The following WNK2 variants were observed in gnomAD, a reference collection of about 807,000 sequenced individuals.
WNK2 encodes the protein WNK lysine deficient protein kinase 2, also known as serine/threonine-protein kinase WNK2.
WNK2 carries 67 observed loss-of-function variants against 192.1 expected under a neutral mutation model. That is an observed-to-expected ratio of 0.35 (90% CI 0.29 to 0.43). The LOEUF (loss-of-function observed/expected upper bound fraction) is 0.43, where lower values mean the gene tolerates loss of function less well. Ranked by LOEUF, WNK2 falls within the 20% of genes least tolerant of loss-of-function variation. The probability of loss-of-function intolerance (pLI) is 1.00; values close to 1 mark genes in which losing one functional copy is unlikely to be tolerated. For missense variants in WNK2, 2,698 were observed against 3,089.7 expected, an observed-to-expected ratio of 0.87 and a Z score of 3.01; for synonymous variants, 1,439 against 1,393.9, an observed-to-expected ratio of 1.03 and a Z score of -0.72.
chr9:93,308,064 G>C, intron 27 of WNK2: 3 of 585,314 alleles, frequency 5.1e-6, no homozygotes, highest in Non-Finnish European at 8.8e-6. Context: ...CTGAGCAGAG[G>C]CTGCCGGCTG....
chr9:93,211,226 T>TCACTCACCCACTCCTC (rs1834540918), intron 2 of WNK2, among the ~76,000 whole-genome samples: 1 of 6,012 alleles, frequency 1.7e-4, no homozygotes, highest in Admixed American at 1.6e-3. Flanking sequence ...ACTCATCCAC[T>TCACTCACCCACTCCTC]CACTCACTCA....
chr9:93,290,475 G>T (rs1475151299), intron 21 of WNK2, among the ~76,000 whole-genome samples: 1 of 152,262 alleles, frequency 6.6e-6, no homozygotes, highest in East Asian at 1.9e-4. Flanking sequence ...AACCTACTGA[G>T]TTCTAGAAGG....
chr9:93,220,099 T>A (rs1370684774), intron 2 of WNK2, among the ~76,000 whole-genome samples: 5 of 152,108 alleles, frequency 3.3e-5, no homozygotes, highest in Non-Finnish European at 4.4e-5. Flanking sequence ...TGAGCATAGG[T>A]CCTGTCTGCT....
intron 8 of WNK2, among the ~76,000 whole-genome samples, chr9:93,250,625 T>C (rs143703038): frequency 1.1e-3 from 166 of 152,032 alleles, no homozygotes; most frequent in African/African-American, 3.9e-3. Flanking sequence ...GGTTTTCCCT[T>C]GTTGTGTTTT....
chr9:93,241,292 A>G (rs1300011587), intron 7 of WNK2, among the ~76,000 whole-genome samples: 2 of 152,258 alleles, frequency 1.3e-5, no homozygotes, highest in East Asian at 3.8e-4. Context: ...GACCAGTGGG[A>G]ACGAGAGGCT....
chr9:93,307,713 G>C (rs866084011), intron 27 of WNK2: 1 of 152,310 alleles, frequency 6.6e-6, no homozygotes, highest in African/African-American at 2.4e-5. Flanking sequence ...CCTCGAATGC[G>C]AATGCGCTGG....
chr9:93,252,348 CAG>C (rs954629466), intron 8 of WNK2, among the ~76,000 whole-genome samples: 2 of 152,258 alleles, frequency 1.3e-5, no homozygotes, highest in Non-Finnish European at 2.9e-5. Context: ...ATCCACCACA[CAG>C]GGGAATAGTG....
At chr9:93,258,366 A>G (rs1461876188) in intron 11 of WNK2, among the ~76,000 whole-genome samples, 2 of 152,224 alleles carry the variant, frequency 1.3e-5, no homozygotes, top group Non-Finnish European at 2.9e-5. Context: ...GAGCCAGCCA[A>G]GGTGGCTCAA....
chr9:93,251,039 A>C (rs1261299829), intron 8 of WNK2, among the ~76,000 whole-genome samples: 1 of 151,976 alleles, frequency 6.6e-6, no homozygotes, highest in Admixed American at 6.6e-5. Flanking sequence ...TGCCCGCCTC[A>C]GCCTCTCAAG....
At chr9:93,252,785 AG>A in intron 8 of WNK2, 97 bp from the exon 9 acceptor site, 1 of 1,141,098 alleles carries the variant, frequency 8.8e-7, no homozygotes, top group East Asian at 3.1e-5. Flanking sequence ...TGGAGAAACA[AG>A]CCTTTATTTT....
At chr9:93,261,650 C>T (rs1844273255) in intron 12 of WNK2, among the ~76,000 whole-genome samples, 164 bp from the exon 13 acceptor site, 1 of 152,222 alleles carries the variant, frequency 6.6e-6, no homozygotes, top group Non-Finnish European at 1.5e-5. Context: ...CTGCTCACTC[C>T]ATCTGCTAAA....
At chr9:93,233,864 G>T (rs1588080900) in intron 4 of WNK2, among the ~76,000 whole-genome samples, 1 of 152,318 alleles carries the variant, frequency 6.6e-6, no homozygotes, top group Middle Eastern at 3.4e-3. Context: ...AAAAGCAGCT[G>T]TACTGAAGTC....
rs775429373 is a variant in WNK2, at chr9:93,292,372, C to T, written c.5001C>T (p.Ser1667=). The T allele has an allele frequency of 1.2e-6, 2 of 1,613,962 alleles. No homozygotes were observed. The highest frequency in any genetic ancestry group is 2.2e-5 in the South Asian group (2 of 91,082). ...DRDGRQVASD[S]HVVPSVPQDV... is the part of the protein sequence containing the mutation. ...ATGGAAGGCAGGTGGCCTCAGACTC[C>T]CATGTGGTCCCCAGCGTCCCCCAGG... The change falls in exon 22 of 30, where the codon TCC becomes TCT. Residue 1667 remains serine, a synonymous_variant. Coordinates refer to ENST00000427277, the MANE Select transcript of WNK2 (RefSeq NM_006648.4).
rs148233715 is a variant in WNK2, at chr9:93,256,302, G to A, written c.2038G>A (p.Gly680Ser). The A allele has an allele frequency of 2.0e-4, 316 of 1,558,864 alleles. 1 individual carries two copies. The African/African-American group carries it at 3.4e-3, about 17-fold the overall frequency. The part of the protein sequence containing the change: ...GAYQQPTAAP[G>S]LPVGSVPAPA... Reference sequence around the variant, plus strand: ...GTGGCCCTGGTGCTCTCTGCAGCCTGGCTTGCCGGTGGGCTCTGTCCCGGC... The same window carrying A: ...GTGGCCCTGGTGCTCTCTGCAGCCTAGCTTGCCGGTGGGCTCTGTCCCGGC... The change falls in exon 10 of 30, where the codon GGC becomes AGC. Residue 680 changes from glycine to serine, a missense_variant. Transcript: ENST00000427277.
At chr9:93,240,212 A>G (rs1203399863) in intron 7 of WNK2, among the ~76,000 whole-genome samples, 4 of 152,296 alleles carry the variant, frequency 2.6e-5, no homozygotes, top group South Asian at 2.1e-4. Flanking sequence ...CACAGCACCC[A>G]GGGGATTAGC....
intron 21 of WNK2, among the ~76,000 whole-genome samples, chr9:93,291,708 G>A (rs1849385270): frequency 6.6e-6 from 1 of 152,216 alleles, no homozygotes; most frequent in South Asian, 2.1e-4. Context: ...CATAGGTCTG[G>A]CTCATGCCCT....
At chr9:93,266,267 A>G (rs1845157944) in intron 16 of WNK2, among the ~76,000 whole-genome samples, 1 of 152,200 alleles carries the variant, frequency 6.6e-6, no homozygotes, top group Admixed American at 6.5e-5. Flanking sequence ...ATCAGTGGTT[A>G]GAGGTCGGCA....
At chr9:93,228,557 C>G (rs1838198715) in intron 2 of WNK2, among the ~76,000 whole-genome samples, 1 of 152,192 alleles carries the variant, frequency 6.6e-6, no homozygotes, top group Non-Finnish European at 1.5e-5. Context: ...GCAACAGAGG[C>G]AGGCATTGCT....
intron 2 of WNK2, among the ~76,000 whole-genome samples, chr9:93,212,269 G>A (rs996821518): frequency 3.9e-5 from 6 of 152,234 alleles, no homozygotes; most frequent in Non-Finnish European, 5.9e-5. Context: ...AAAGCCAGCA[G>A]CCAGATGTTG....
Sources: allele counts gnomAD v4.1 joint callset (sites outside exome capture counted in the v4.1 genomes callset), GRCh38; gene constraint gnomAD v4.1.1; transcripts MANE v1.5; gene names NCBI Gene and HGNC (gene_info 2026-07-23, HGNC 2026-07-21).